C8orf34: variants seen among roughly 807,000 people sequenced by gnomAD.
C8orf34 encodes the protein uncharacterized protein C8orf34.
In C8orf34, 65 loss-of-function variants were observed where a neutral mutation model predicts 68.3. The ratio of observed to expected loss-of-function variants is 0.95; its 90% CI spans 0.78 to 1.17. C8orf34 has a LOEUF of 1.17. Among genes scored for constraint, C8orf34 ranks in the 50% most tolerant of loss-of-function variants. The pLI is 0.00. For synonymous variants in C8orf34, 244 were observed against 241.2 expected (o/e 1.01, Z -0.11); for missense variants, 664 against 655.4 (o/e 1.01, Z -0.14).
chr8:68,698,008 A>G (rs909087875), intron 8 of C8orf34, among the ~76,000 whole-genome samples: 5 of 152,044 alleles, frequency 3.3e-5, no homozygotes, highest in African/African-American at 1.2e-4. Context: ...TCCTAGTTAG[A>G]AACAACTCAG....
chr8:68,696,609 C>T (rs946245086), intron 8 of C8orf34, among the ~76,000 whole-genome samples: 15 of 151,748 alleles, frequency 9.9e-5, no homozygotes, highest in South Asian at 2.1e-4. Context: ...AGCCAAATTA[C>T]GCTTTTAAAG....
At chr8:68,499,739 G>T (rs2129632464) in intron 5 of C8orf34, among the ~76,000 whole-genome samples, 1 of 152,318 alleles carries the variant, frequency 6.6e-6, no homozygotes, top group South Asian at 2.1e-4. Flanking sequence ...CCTGAACCAG[G>T]TGATCAAGGT....
Position 68,465,812 on chromosome 8 carries a change from C to G in C8orf34, c.608-2880C>G, listed in dbSNP as rs1341808661. On this transcript the variant is annotated intron_variant, in intron 3 of 13. Coordinates refer to ENST00000518698, the MANE Select transcript of C8orf34 (RefSeq NM_052958.4). ...TCTGGGGCCTGTTGTGGGGTGGGGG[C>G]AGGGGGGAGGGATAGCATTAGGAGA... is the stretch of plus-strand genomic sequence containing the variant. 8.9e-5 allele frequency among the ~76,000 whole-genome samples: 12 copies of G among 135,048 alleles called. No individual in the cohort carries two copies. In the South Asian group the frequency reaches 9.2e-4, roughly 10 times the overall value. 88.6% of individuals were successfully genotyped at this position (135,048 alleles called of 152,430 possible).
At chr8:68,512,003 T>C (rs996474660) in intron 5 of C8orf34, among the ~76,000 whole-genome samples, 1 of 152,224 alleles carries the variant, frequency 6.6e-6, no homozygotes, top group African/African-American at 2.4e-5. Flanking sequence ...TTTTTTTTCT[T>C]TATTCAAATG....
intron 12 of C8orf34, among the ~76,000 whole-genome samples, chr8:68,809,692 A>T (rs1824588547): frequency 6.6e-6 from 1 of 152,186 alleles, no homozygotes; most frequent in South Asian, 2.1e-4. Flanking sequence ...ATTAATCCCA[A>T]CCTACCTCCT....
chr8:68,637,546 C>T (rs1818882290), intron 7 of C8orf34, among the ~76,000 whole-genome samples: 1 of 151,916 alleles, frequency 6.6e-6, no homozygotes, highest in Non-Finnish European at 1.5e-5. Context: ...ACACAGGGAT[C>T]CAGAAAAAAG....
At chr8:68,667,132 A>T (rs768466001) in intron 8 of C8orf34, among the ~76,000 whole-genome samples, 1 of 152,056 alleles carries the variant, frequency 6.6e-6, no homozygotes, top group Non-Finnish European at 1.5e-5. Context: ...ATTAAAGGAC[A>T]CTCCCTATTT....
intron 5 of C8orf34, among the ~76,000 whole-genome samples, chr8:68,491,671 TC>T (rs1308986708): frequency 6.6e-6 from 1 of 152,242 alleles, no homozygotes; most frequent in Non-Finnish European, 1.5e-5. Context: ...TTAATCTTAA[TC>T]ATGCAAAGTC....
At chr8:68,561,788 AAAAC>A (rs1359566050) in intron 7 of C8orf34, among the ~76,000 whole-genome samples, 2 of 152,092 alleles carry the variant, frequency 1.3e-5, no homozygotes, top group East Asian at 1.9e-4. Flanking sequence ...CAAAACCAAA[AAAAC>A]AAACAAAAAA....
chr8:68,362,848 C>T (rs1447765789), intron 1 of C8orf34, among the ~76,000 whole-genome samples: 1 of 144,662 alleles, frequency 6.9e-6, no homozygotes, highest in Non-Finnish European at 1.5e-5. Flanking sequence ...TCTCCTCCTC[C>T]AAAGGAACGC....
intron 1 of C8orf34, among the ~76,000 whole-genome samples, chr8:68,353,706 G>A (rs1205238567): frequency 6.7e-6 from 1 of 149,022 alleles, no homozygotes; most frequent in African/African-American, 2.5e-5. Flanking sequence ...ACCAACTGTG[G>A]AATGAAAATA....
At chr8:68,573,122 A>G (rs1212677142) in intron 7 of C8orf34, among the ~76,000 whole-genome samples, 2 of 152,088 alleles carry the variant, frequency 1.3e-5, no homozygotes, top group African/African-American at 4.8e-5. Context: ...ATTGTAGTCT[A>G]TTGAACATTG....
intron 1 of C8orf34, among the ~76,000 whole-genome samples, chr8:68,400,354 A>T (rs867830129): frequency 6.6e-6 from 1 of 152,124 alleles, no homozygotes; most frequent in African/African-American, 2.4e-5. Context: ...CTGGTAGGAG[A>T]TAAGAATCTA....
At chr8:68,747,930 CA>C (rs1211121561) in intron 10 of C8orf34, among the ~76,000 whole-genome samples, 1 of 152,196 alleles carries the variant, frequency 6.6e-6, no homozygotes, top group African/African-American at 2.4e-5. Flanking sequence ...ATCGCCAAGT[CA>C]ATCCTAAGCC....
intron 1 of C8orf34, among the ~76,000 whole-genome samples, chr8:68,436,435 T>C (rs1810670833): frequency 6.6e-6 from 1 of 152,200 alleles, no homozygotes; most frequent in Non-Finnish European, 1.5e-5. Context: ...CGTATTAAAA[T>C]TAACACCTAC....
chr8:68,790,874 G>A (rs1446122018), intron 12 of C8orf34: 10 of 701,034 alleles, frequency 1.4e-5, no homozygotes, highest in Admixed American at 4.0e-5. Context: ...TCATACTTTG[G>A]TAATATTTGC....
intron 2 of C8orf34, among the ~76,000 whole-genome samples, chr8:68,441,251 T>C (rs1810898985): frequency 2.0e-5 from 3 of 152,174 alleles, no homozygotes; most frequent in Admixed American, 2.0e-4. Flanking sequence ...GAGGCTGGAC[T>C]AGGAAAGAAT....
rs1246961508 is a variant in C8orf34 at position 68,475,659 on chromosome 8, C to CTATCTATTT, written c.736+6839_736+6840insTATCTATTT. Among the ~76,000 whole-genome samples the CTATCTATTT allele has an allele frequency of 7.6e-4, 116 of 152,318 alleles. 1 individual carries two copies. The East Asian group carries it at 0.011, about 14-fold the overall frequency. Reference sequence around the variant, plus strand: ...AAAAATAAATAGATAGCTAAGTAAGCACGTAAACAAATAAATAAACATCCT... The same window carrying CTATCTATTT: ...AAAAATAAATAGATAGCTAAGTAAGCTATCTATTTACGTAAACAAATAAATAAACATCCT... On this transcript the variant is annotated intron_variant, in intron 4 of 13. Transcript: ENST00000518698.
At chr8:68,521,270 C>T (rs1429127075) in intron 5 of C8orf34, among the ~76,000 whole-genome samples, 1 of 152,138 alleles carries the variant, frequency 6.6e-6, no homozygotes, top group Non-Finnish European at 1.5e-5. Context: ...AGATTACTAA[C>T]ATTTGTTGAA....
Sources: gnomAD v4.1 joint callset for allele counts (sites outside exome capture counted in the v4.1 genomes callset) on GRCh38, gnomAD v4.1.1 for gene constraint, MANE v1.5 for transcripts, NCBI Gene and HGNC (gene_info 2026-07-23, HGNC 2026-07-21) for gene names.